Variants in LYST observed in about 807,000 individuals in gnomAD.
LYST encodes the protein lysosomal-trafficking regulator.
LYST carries 192 observed loss-of-function variants against 413.6 expected under a neutral mutation model. That is an observed-to-expected ratio of 0.46 (90% CI 0.41 to 0.52). The LOEUF (loss-of-function observed/expected upper bound fraction) is 0.52. LYST is among the 20% of genes least tolerant of loss of function. LYST has a pLI of 0.00. For missense variants in LYST, 3,815 were observed against 4,499.9 expected (o/e 0.85, Z 4.35); for synonymous variants, 1,525 against 1,567.3 (o/e 0.97, Z 0.64).
In LYST at chr1:235,758,991, G is replaced by A. The variant is rs1667309466; in HGVS notation, c.6862C>T (p.Arg2288Ter). 2 of 1,613,930 alleles carry A rather than the reference G, an allele frequency of 1.2e-6. No homozygotes were observed. Among genetic ancestry groups the A allele is most frequent in the Non-Finnish European group, 1.7e-6 (2 of 1,179,942 alleles). Residue 2288 changes from arginine to a stop codon, truncating the protein, a stop_gained, in exon 23 of 53, where the codon CGA (arginine) becomes TGA (stop). Coordinates refer to ENST00000389793, the MANE Select transcript of LYST (RefSeq NM_000081.4). LOFTEE classifies it high-confidence loss of function. ...YSLGYEPNYN[R>*]TASAHSVTED... The stretch of plus-strand genomic sequence containing the variant: ...AAGTACCTGTGAGCACTTGCAGTTC[G>A]GTTGTAATTTGGCTCATAACCAAGA...
chr1:235,699,308 A>G (rs185086579), intron 45 of LYST, among the ~76,000 whole-genome samples: 118 of 151,544 alleles, frequency 7.8e-4, no homozygotes, highest in African/African-American at 2.8e-3. Context: ...TCATTGTTCA[A>G]CTCCCACTTA....
chr1:235,736,936 T>C (rs560536550), intron 31 of LYST: 8 of 152,218 alleles, frequency 5.3e-5, no homozygotes, highest in African/African-American at 1.9e-4. Context: ...ATGTGCTGTT[T>C]CACAACGTTG....
chr1:235,879,895 C>A (rs1055900715), intron 1 of LYST, among the ~76,000 whole-genome samples: 6 of 152,202 alleles, frequency 3.9e-5, no homozygotes, highest in Non-Finnish European at 7.3e-5. Context: ...CGCCACCACG[C>A]CCAGCTAATT....
intron 19 of LYST, among the ~76,000 whole-genome samples, chr1:235,770,962 T>G (rs1309187933): frequency 6.6e-6 from 1 of 152,206 alleles, no homozygotes; most frequent in East Asian, 1.9e-4. Context: ...AAGATAACCT[T>G]CCCTTCATCT....
intron 9 of LYST, among the ~76,000 whole-genome samples, 181 bp from the exon 10 acceptor site, chr1:235,800,567 T>C (rs1168982064): frequency 2.0e-5 from 3 of 152,166 alleles, no homozygotes; most frequent in South Asian, 2.1e-4. Flanking sequence ...TTTATACTGA[T>C]TGATTTTTCA....
At chr1:235,706,025 TCAAATGATCCA>T (rs1469752917) in intron 44 of LYST, among the ~76,000 whole-genome samples, 4 of 152,098 alleles carry the variant, frequency 2.6e-5, no homozygotes, top group Non-Finnish European at 5.9e-5. Context: ...ACTCCTGACC[TCAAATGATCCA>T]CACGCCTCGG....
At chr1:235,813,224 T>C (rs1444817614) in intron 3 of LYST, among the ~76,000 whole-genome samples, 163 bp from the exon 4 acceptor site, 2 of 152,354 alleles carry the variant, frequency 1.3e-5, no homozygotes, top group East Asian at 3.9e-4. Context: ...AAAGCTGTGA[T>C]ACTTTTAAGT....
intron 45 of LYST, among the ~76,000 whole-genome samples, chr1:235,698,743 G>T (rs1490538443): frequency 6.6e-6 from 1 of 151,998 alleles, no homozygotes; most frequent in Non-Finnish European, 1.5e-5. Context: ...CGTGGTGGCG[G>T]GTGCCTGCAG....
At chr1:235,875,308 AT>A (rs1037077421) in intron 1 of LYST, among the ~76,000 whole-genome samples, 1 of 152,148 alleles carries the variant, frequency 6.6e-6, no homozygotes, top group Non-Finnish European at 1.5e-5. Context: ...TCCTCCTTTC[AT>A]TTTTAACTAA....
chr1:235,693,894 T>C (rs1660869795), intron 46 of LYST, among the ~76,000 whole-genome samples: 1 of 152,216 alleles, frequency 6.6e-6, no homozygotes, highest in African/African-American at 2.4e-5. Flanking sequence ...AAGATAACAC[T>C]GCTAGAGTGG....
intron 44 of LYST, among the ~76,000 whole-genome samples, chr1:235,703,707 T>C (rs1397439810): frequency 2.0e-5 from 3 of 152,220 alleles, no homozygotes; most frequent in Non-Finnish European, 2.9e-5. Context: ...TTAGGTCATC[T>C]TCAACTCCAT....
intron 16 of LYST, among the ~76,000 whole-genome samples, chr1:235,777,855 C>T (rs914536541): frequency 6.6e-6 from 1 of 151,942 alleles, no homozygotes; most frequent in African/African-American, 2.4e-5. Flanking sequence ...GGATAGTTTC[C>T]ATCAGTGTGT....
At position 235,800,383 on chromosome 1, in the gene LYST, T is replaced by C; in HGVS notation, c.3943A>G (p.Thr1315Ala). ...AACCCTCCTAAAAGATTTTTCACAG[T>C]TCCCTGAAGATTAAAAAAAATACAA... ...KNVFLLMQQG[T>A]VKNLLGGFLS... is the part of the protein sequence containing the mutation. Residue 1315 changes from threonine (T) to alanine (A), a missense_variant, in exon 10 of 53, where the codon ACT becomes GCT. This residue lies in a region of LYST where 1,648 missense variants were observed against 1,810.3 expected (regional missense o/e 0.91). Coordinates refer to ENST00000389793, the MANE Select transcript of LYST (RefSeq NM_000081.4). 1 of 1,551,156 alleles carries C rather than the reference T, an allele frequency of 6.4e-7. No individual in the cohort carries two copies. Among genetic ancestry groups the C allele is most frequent in the Non-Finnish European group, 8.9e-7 (1 of 1,122,950 alleles).
In LYST at chr1:235,809,969, G is replaced by A; in HGVS notation, c.849C>T (p.Ala283=). Residue 283 remains alanine, a synonymous_variant, in exon 5 of 53, where the codon GCC becomes GCT. Coordinates refer to ENST00000389793, the MANE Select transcript of LYST (RefSeq NM_000081.4). The surrounding 1 kb of genome is among the most constrained non-coding windows in gnomAD (Gnocchi z 4.0). ...ATTCAGTTAGTGTGGGCACTACACT[G>A]GCTGCTAAAGGAGAATTATGATTCA... ...VTLNHNSPLA[A]SVVPTLTEFL... 1 of 1,613,388 alleles carries A rather than the reference G, an allele frequency of 6.2e-7. No individual in the cohort carries two copies. Among genetic ancestry groups the A allele is most frequent in the Non-Finnish European group, 8.5e-7 (1 of 1,179,552 alleles).
At chr1:235,716,171 T>C (rs1018322761) in intron 41 of LYST, among the ~76,000 whole-genome samples, 3 of 152,244 alleles carry the variant, frequency 2.0e-5, no homozygotes, top group African/African-American at 7.2e-5. Flanking sequence ...GTTGCTCCTG[T>C]CTTGATACTC....
At chr1:235,705,421 T>C (rs1433262634) in intron 44 of LYST, among the ~76,000 whole-genome samples, 3 of 152,138 alleles carry the variant, frequency 2.0e-5, no homozygotes, top group Admixed American at 1.3e-4. Flanking sequence ...GGTCTTGCTC[T>C]GTCAACCAGG....
At chr1:235,780,732 C>A in intron 16 of LYST, 133 bp downstream of exon 16, 1 of 415,034 alleles carries the variant, frequency 2.4e-6, no homozygotes, top group Non-Finnish European at 4.2e-6. Flanking sequence ...CAGAAAAAAA[C>A]ATAATTCTAA....
chr1:235,730,775 A>T (rs1284711174), intron 36 of LYST, 72 bp downstream of exon 36: 2 of 1,016,882 alleles, frequency 2.0e-6, no homozygotes, highest in African/African-American at 1.6e-5. Context: ...ATATAAAATA[A>T]ATATTACATA....
intron 10 of LYST, among the ~76,000 whole-genome samples, chr1:235,799,955 TTTTTTTTTTTTTTTTTTTTG>T (rs2102817814): frequency 9.3e-6 from 1 of 107,334 alleles, no homozygotes; most frequent in African/African-American, 3.7e-5. Flanking sequence ...TTTTTTTTTT[TTTTTTTTTTTTTTTTTTTTG>T]AGACAGGGTC....
Sources: allele counts gnomAD v4.1 joint callset (sites outside exome capture counted in the v4.1 genomes callset), GRCh38; gene constraint gnomAD v4.1.1; regional missense constraint gnomAD v4.1.1; non-coding constraint Gnocchi (gnomAD v3.1); transcripts MANE v1.5; gene names NCBI Gene and HGNC (gene_info 2026-07-23, HGNC 2026-07-21).